BRWD1: variants seen among roughly 807,000 people sequenced by gnomAD.
BRWD1 encodes the protein bromodomain and WD repeat-containing protein 1.
In BRWD1, 82 loss-of-function variants were observed where a neutral mutation model predicts 251.2. The ratio of observed to expected loss-of-function variants is 0.33; its 90% confidence interval spans 0.27 to 0.39. BRWD1 has a LOEUF of 0.39. Among genes scored for constraint, BRWD1 ranks in the 10% least tolerant of loss-of-function variants. BRWD1 has a pLI of 1.00. For synonymous variants in BRWD1, 918 were observed against 902.8 expected (o/e 1.02, Z -0.30); for missense variants, 2,233 against 2,711.6 (o/e 0.82, Z 3.92).
intron 8 of BRWD1, 84 bp from the exon 9 acceptor site, chr21:39,280,332 T>C: frequency 9.4e-7 from 1 of 1,059,414 alleles, no homozygotes; most frequent in Non-Finnish European, 1.4e-6. Context: ...TAACTTCAAT[T>C]GACAGTTTCA....
At chr21:39,227,137 C>G (rs1021166816) in intron 27 of BRWD1, among the ~76,000 whole-genome samples, 1 of 151,998 alleles carries the variant, frequency 6.6e-6, no homozygotes, top group Non-Finnish European at 1.5e-5. Flanking sequence ...GCCCGGGCAA[C>G]AGAGCAAGAC....
At chr21:39,272,109 T>C (rs1048527766) in intron 13 of BRWD1, among the ~76,000 whole-genome samples, 33 of 149,292 alleles carry the variant, frequency 2.2e-4, no homozygotes, top group Non-Finnish European at 7.4e-5. Context: ...TCTAACTAGA[T>C]TGATTGGTGT....
Position 39,311,547 on chromosome 21 carries a change from C to A in BRWD1, c.198+1294G>T, listed in dbSNP as rs938657353. ...CTCTCAGGTAGCACGACAACAGCGT[C>A]ATAACCAGTAATGCTTTTCCGCTTC... On this transcript the variant is annotated intron_variant, in intron 4 of 40. Coordinates refer to ENST00000342449, the MANE Select transcript of BRWD1 (RefSeq NM_033656.4). Among the ~76,000 whole-genome samples, 101 of 152,182 alleles carry A rather than the reference C, an allele frequency of 6.6e-4. 1 individual carries two copies. The highest frequency in any genetic ancestry group is 2.9e-5 in the Non-Finnish European group (2 of 68,038).
chr21:39,271,283 C>T lies in BRWD1; in HGVS notation c.1245-850G>A, dbSNP rs144884303. The stretch of plus-strand genomic sequence containing the variant: ...CTCCAGCCTGGGTGACAGAGCAAGA[C>T]TACGTTCTCAAAAAATAAAAAAGTG... On this transcript the variant is annotated intron_variant, in intron 13 of 40. Coordinates refer to ENST00000342449, the MANE Select transcript of BRWD1 (RefSeq NM_033656.4). Among the ~76,000 whole-genome samples the T allele has an allele frequency of 2.2e-3, 334 of 152,132 alleles. 1 individual carries two copies. The highest frequency in any genetic ancestry group is 7.8e-3 in the African/African-American group (322 of 41,522).
intron 8 of BRWD1, among the ~76,000 whole-genome samples, chr21:39,285,468 G>A (rs546611265): frequency 6.6e-6 from 1 of 152,274 alleles, no homozygotes; most frequent in African/African-American, 2.4e-5. Flanking sequence ...AGCTAGAAGA[G>A]AAGATTTTGA....
chr21:39,280,138 A>C lies in BRWD1; in HGVS notation c.932+10T>G. On this transcript the variant is annotated intron_variant, in intron 9 of 40. Transcript: ENST00000342449. ...AAAACAAAACCTGTTACATAATTAA[A>C]GCCACTTACCTAAATTTTAAGGATT... is the stretch of plus-strand genomic sequence containing the variant. The C allele has an allele frequency of 6.4e-7, 1 of 1,571,160 alleles. No individual in the cohort carries two copies. The highest frequency in any genetic ancestry group is 8.6e-7 in the Non-Finnish European group (1 of 1,157,634).
intron 1 of BRWD1, among the ~76,000 whole-genome samples, chr21:39,319,974 C>T (rs549348528): frequency 1.8e-4 from 27 of 152,270 alleles, no homozygotes; most frequent in African/African-American, 6.0e-4. Flanking sequence ...TCCCTGTTCA[C>T]GTCTTTCTCA....
At chr21:39,248,727 T>C (rs1488473683) in intron 20 of BRWD1, among the ~76,000 whole-genome samples, 6 of 149,190 alleles carry the variant, frequency 4.0e-5, no homozygotes, top group African/African-American at 9.9e-5. Context: ...GCTGGTGAAG[T>C]TGCAGAGAAA....
chr21:39,195,263 A>G lies in BRWD1; in HGVS notation c.*996T>C. The G allele has an allele frequency of 9.9e-7, 1 of 1,013,644 alleles. No individual in the cohort carries two copies. Among genetic ancestry groups the G allele is most frequent in the Non-Finnish European group, 1.2e-6 (1 of 848,028 alleles). The allele number at this position is 1,013,644 out of a possible 1,614,324, so 62.8% of individuals were successfully genotyped here. A position where few individuals can be genotyped will look rare whatever the true frequency, so the allele number is the denominator to read the frequency against. ...TTTTCCTATATAGATAAGATTTGCA[A>G]TTGTACTCTTAACAAAACTCACCTC... On this transcript the variant is annotated 3_prime_UTR_variant, in exon 41 of 41. Transcript: ENST00000342449.
chr21:39,192,288 T>G lies in BRWD1; in HGVS notation c.*3971A>C, dbSNP rs1287993743. 2.0e-6 allele frequency: 2 copies of G among 985,188 alleles called. No homozygotes were observed. Among genetic ancestry groups the G allele is most frequent in the African/African-American group, 3.5e-5 (2 of 57,226 alleles). The allele number at this position is 985,188 out of a possible 1,614,324, so 61.0% of individuals were successfully genotyped here. On this transcript the variant is annotated 3_prime_UTR_variant, in exon 41 of 41. Transcript: ENST00000342449. ...TTTTCAATCCTTACTATTCACAGTTTGAGCTAGGAATTAACATTTGCTAAT... is the reference window on the plus strand; with the variant it reads ...TTTTCAATCCTTACTATTCACAGTTGGAGCTAGGAATTAACATTTGCTAAT...
At chr21:39,222,710 C>T (rs1481859695) in intron 29 of BRWD1, among the ~76,000 whole-genome samples, 1 of 151,950 alleles carries the variant, frequency 6.6e-6, no homozygotes, top group Non-Finnish European at 1.5e-5. Flanking sequence ...ACAATGAAAA[C>T]AAAAAATCAT....
At chr21:39,303,631 A>C (rs2036191630) in intron 4 of BRWD1, among the ~76,000 whole-genome samples, 2 of 151,816 alleles carry the variant, frequency 1.3e-5, no homozygotes, top group African/African-American at 4.8e-5. Context: ...GGAGTTCCAG[A>C]CCAGCCTGGG....
chr21:39,277,595 A>G (rs116468382), intron 10 of BRWD1, among the ~76,000 whole-genome samples: 2,308 of 152,016 alleles, frequency 0.015, 57 homozygotes, highest in African/African-American at 0.053. Context: ...ACAGAATCTC[A>G]CTCTGTCGCC....
intron 18 of BRWD1, among the ~76,000 whole-genome samples, chr21:39,256,601 G>A (rs1186797102): frequency 6.6e-6 from 1 of 152,044 alleles, no homozygotes; most frequent in African/African-American, 2.4e-5. Flanking sequence ...TGAGCTGGAA[G>A]CCACAGAGGC....
chr21:39,293,780 T>C (rs571585127), intron 8 of BRWD1, 31 bp downstream of exon 8: 11 of 1,548,002 alleles, frequency 7.1e-6, no homozygotes, highest in Middle Eastern at 1.7e-4. Flanking sequence ...AAAATACATA[T>C]AGGAATGTGC....
chr21:39,257,301 T>C (rs903447555), intron 18 of BRWD1, among the ~76,000 whole-genome samples: 1 of 151,926 alleles, frequency 6.6e-6, no homozygotes, highest in South Asian at 2.1e-4. Flanking sequence ...GAAGAATGCG[T>C]TTATGTATCT....
intron 32 of BRWD1, among the ~76,000 whole-genome samples, chr21:39,214,605 TTC>T (rs1368605454): frequency 2.6e-5 from 4 of 152,162 alleles, no homozygotes; most frequent in Admixed American, 6.5e-5. Context: ...ATTCTACACT[TTC>T]TGTCAATAGC....
chr21:39,194,787 T>C lies in BRWD1; in HGVS notation c.*1472A>G, dbSNP rs79678769. On this transcript the variant is annotated 3_prime_UTR_variant, in exon 41 of 41. Transcript: ENST00000342449. ...ACACAATTAGGGCTAATAAATAACA[T>C]TGTCTAATATTGATACCAGTCTGAT... is the stretch of plus-strand genomic sequence containing the variant. The C allele has an allele frequency of 9.6e-5, 147 of 1,534,910 alleles. No individual in the cohort carries two copies. Among genetic ancestry groups the C allele is most frequent in the East Asian group, 6.4e-4 (26 of 40,856 alleles).
At chr21:39,274,538 T>A in intron 12 of BRWD1, 66 bp from the exon 13 acceptor site, 14 of 1,244,824 alleles carry the variant, frequency 1.1e-5, no homozygotes, top group Admixed American at 5.2e-5. Context: ...ACAATTAAAA[T>A]CACATGCAAA....
Sources: allele counts gnomAD v4.1 joint callset (sites outside exome capture counted in the v4.1 genomes callset), GRCh38; gene constraint gnomAD v4.1.1; transcripts MANE v1.5; gene names NCBI Gene and HGNC (gene_info 2026-07-23, HGNC 2026-07-21).